The following ATXN7L1 variants were observed in gnomAD, a reference collection of about 807,000 sequenced individuals.
ATXN7L1 encodes the protein ataxin 7 like 1.
Under a neutral mutation model 70.8 loss-of-function variants are expected in ATXN7L1, and 15 were observed. That is an observed-to-expected ratio of 0.21 (90% CI 0.14 to 0.33). The LOEUF (loss-of-function observed/expected upper bound fraction) is 0.33, where lower values mean the gene tolerates loss of function less well. ATXN7L1 is among the 10% of genes least tolerant of loss of function. The pLI, the probability that ATXN7L1 is intolerant of heterozygous loss-of-function variation, is 1.00. For missense variants in ATXN7L1, 975 were observed against 1,097.1 expected (o/e 0.89, Z 1.57); for synonymous variants, 440 against 445.1 (o/e 0.99, Z 0.14).
rs117983524 is a variant in ATXN7L1, at chr7:105,763,382, C to G, written c.355+25222G>C. 3.8e-3 allele frequency among the ~76,000 whole-genome samples: 573 copies of G among 152,288 alleles called. 2 individuals are homozygous for G. Among genetic ancestry groups the G allele is most frequent in the Non-Finnish European group, 5.7e-3 (388 of 68,026 alleles). ...GGAGGAGGGAGGAGCTCCCCAGGAC[C>G]TGGGTTTGCAATTCCACTCTTGCCT... On this transcript the variant is annotated intron_variant, in intron 3 of 11. Transcript: ENST00000419735.
intron 2 of ATXN7L1, among the ~76,000 whole-genome samples, chr7:105,812,905 G>A (rs1350551646): frequency 3.3e-5 from 5 of 152,178 alleles, no homozygotes; most frequent in African/African-American, 7.2e-5. Flanking sequence ...GGGAGGCTGA[G>A]GTGGGAGGAA....
chr7:105,620,342 T>G, intron 8 of ATXN7L1, 21 bp from the exon 9 acceptor site: 1 of 1,533,878 alleles, frequency 6.5e-7, no homozygotes, highest in African/African-American at 1.4e-5. Context: ...AAAAAAATTT[T>G]AATTTTGATT....
Position 105,641,706 on chromosome 7 carries a change from G to A in ATXN7L1, c.862+1132C>T, listed in dbSNP as rs986314951. ...GAAGAGCCAGGTGCTGGGGGCTCCC[G>A]CCCGAACTGTGAGGCCCACAGTGCT... is the stretch of plus-strand genomic sequence containing the variant. On this transcript the variant is annotated intron_variant, in intron 5 of 11. Coordinates refer to ENST00000419735, the MANE Select transcript of ATXN7L1 (RefSeq NM_020725.2). Among the ~76,000 whole-genome samples, 12 of 152,344 alleles carry A rather than the reference G, an allele frequency of 7.9e-5. 1 individual carries two copies. Among genetic ancestry groups the A allele is most frequent in the African/African-American group, 2.9e-4 (12 of 41,580 alleles).
At chr7:105,757,635 A>G (rs925170769) in intron 3 of ATXN7L1, among the ~76,000 whole-genome samples, 3 of 132,810 alleles carry the variant, frequency 2.3e-5, no homozygotes, top group African/African-American at 8.8e-5. Context: ...ACTGGAGTGC[A>G]GTGGCACGGT....
intron 7 of ATXN7L1, among the ~76,000 whole-genome samples, chr7:105,628,572 G>A (rs2115838040): frequency 6.6e-6 from 1 of 151,842 alleles, no homozygotes. Context: ...GTTGGATCAC[G>A]AGGTCAGGAG....
intron 3 of ATXN7L1, among the ~76,000 whole-genome samples, chr7:105,686,736 T>C (rs1338205883): frequency 6.6e-6 from 1 of 152,232 alleles, no homozygotes; most frequent in African/African-American, 2.4e-5. Flanking sequence ...ACATGGGTAC[T>C]TAAAGTACAG....
At chr7:105,654,665 A>G (rs1473216956) in intron 4 of ATXN7L1, among the ~76,000 whole-genome samples, 1 of 152,206 alleles carries the variant, frequency 6.6e-6, no homozygotes, top group African/African-American at 2.4e-5. Flanking sequence ...CAAAACATCT[A>G]AAAATCATAA....
intron 4 of ATXN7L1, among the ~76,000 whole-genome samples, chr7:105,644,874 G>C (rs1798756948): frequency 6.6e-6 from 1 of 152,240 alleles, no homozygotes. Flanking sequence ...GGCAGCCCAA[G>C]TGTCCATCAA....
intron 3 of ATXN7L1, 116 bp downstream of exon 3, chr7:105,788,488 C>T: frequency 2.4e-6 from 2 of 839,390 alleles, no homozygotes; most frequent in Admixed American, 2.1e-5. Context: ...AAGACTTTAC[C>T]CACAGCCTCA....
At chr7:105,689,615 G>A (rs1790476359) in intron 3 of ATXN7L1, among the ~76,000 whole-genome samples, 1 of 152,240 alleles carries the variant, frequency 6.6e-6, no homozygotes, top group South Asian at 2.1e-4. Context: ...TTACGAAGGT[G>A]GGCCGAAAGT....
intron 3 of ATXN7L1, among the ~76,000 whole-genome samples, chr7:105,706,187 T>C (rs866659324): frequency 6.6e-6 from 1 of 151,946 alleles, no homozygotes; most frequent in African/African-American, 2.4e-5. Flanking sequence ...TTGTTTTTTG[T>C]TTTTGTTTTT....
At chr7:105,856,803 ATGTG>A (rs139766738) in intron 2 of ATXN7L1, among the ~76,000 whole-genome samples, 2 of 149,212 alleles carry the variant, frequency 1.3e-5, no homozygotes, top group African/African-American at 2.5e-5. Context: ...GTGTGTGTGT[ATGTG>A]TGTGTGTGTG....
intron 3 of ATXN7L1, among the ~76,000 whole-genome samples, chr7:105,758,098 T>C (rs575096585): frequency 6.6e-6 from 1 of 152,246 alleles, no homozygotes; most frequent in South Asian, 2.1e-4. Context: ...AAACCCCTCA[T>C]GGACTGCTCT....
At chr7:105,851,241 G>T (rs1418814693) in intron 2 of ATXN7L1, among the ~76,000 whole-genome samples, 1 of 152,104 alleles carries the variant, frequency 6.6e-6, no homozygotes, top group African/African-American at 2.4e-5. Flanking sequence ...GCAAGCAGAG[G>T]AACAGAGAGG....
At chr7:105,676,506 GGGA>G (rs916715569) in intron 3 of ATXN7L1, among the ~76,000 whole-genome samples, 2 of 152,126 alleles carry the variant, frequency 1.3e-5, no homozygotes, top group African/African-American at 4.8e-5. Context: ...CAGGATCTTG[GGGA>G]GAAGATCCAT....
intron 2 of ATXN7L1, among the ~76,000 whole-genome samples, chr7:105,817,744 G>A (rs936033066): frequency 1.3e-5 from 2 of 152,132 alleles, no homozygotes; most frequent in South Asian, 2.1e-4. Context: ...CAGCGAGACC[G>A]CTATCTCTAA....
intron 4 of ATXN7L1, chr7:105,649,386 C>T (rs1025223446): frequency 2.3e-5 from 23 of 987,468 alleles, no homozygotes; most frequent in Non-Finnish European, 2.8e-5. Context: ...ATCCCCCTTG[C>T]TACGTGGGGG....
intron 2 of ATXN7L1, among the ~76,000 whole-genome samples, chr7:105,809,958 G>C (rs1415358610): frequency 6.6e-6 from 1 of 152,126 alleles, no homozygotes; most frequent in East Asian, 1.9e-4. Context: ...TTTTTGTAGA[G>C]ACGAGGTCTC....
At chr7:105,676,788 C>T (rs574111778) in intron 3 of ATXN7L1, among the ~76,000 whole-genome samples, 6 of 152,156 alleles carry the variant, frequency 3.9e-5, no homozygotes, top group South Asian at 2.1e-4. Flanking sequence ...AGCAATGAAC[C>T]GAGATTGCGA....
Sources: allele counts gnomAD v4.1 joint callset (sites outside exome capture counted in the v4.1 genomes callset), GRCh38; gene constraint gnomAD v4.1.1; transcripts MANE v1.5; gene names NCBI Gene and HGNC (gene_info 2026-07-23, HGNC 2026-07-21).